The following SPMIP2 variants were observed in gnomAD, a reference collection of about 807,000 sequenced individuals.
SPMIP2 encodes protein SPMIP2.
the SPMIP2 span, among the ~76,000 whole-genome samples, chr4:158,903,234 T>C: frequency 6.6e-6 from 1 of 151,992 alleles, no homozygotes; most frequent in Non-Finnish European, 1.5e-5. Flanking sequence ...GGGGAAACAA[T>C]TCCCTGAACC....
At chr4:158,926,697 T>C in the SPMIP2 span, among the ~76,000 whole-genome samples, 4 of 152,236 alleles carry the variant, frequency 2.6e-5, no homozygotes, top group Non-Finnish European at 5.9e-5. Context: ...TATTGTGTTG[T>C]TCAAGTCTTT....
the SPMIP2 span, among the ~76,000 whole-genome samples, chr4:158,980,255 G>T: frequency 6.6e-6 from 1 of 152,276 alleles, no homozygotes; most frequent in East Asian, 1.9e-4. Context: ...GCATATGGGG[G>T]AAGGGGCAGC....
the SPMIP2 span, chr4:158,915,099 C>T: frequency 7.5e-7 from 1 of 1,334,620 alleles, no homozygotes; most frequent in Non-Finnish European, 1.0e-6. Context: ...CTATGAGAAA[C>T]CTGTCCCTGA....
the SPMIP2 span, among the ~76,000 whole-genome samples, chr4:159,059,362 G>A: frequency 6.6e-6 from 1 of 152,166 alleles, no homozygotes; most frequent in African/African-American, 2.4e-5. Context: ...AGCAGATAGA[G>A]TTTATTTTAT....
the SPMIP2 span, among the ~76,000 whole-genome samples, chr4:158,921,930 C>A: frequency 7.1e-6 from 1 of 140,504 alleles, no homozygotes; most frequent in South Asian, 2.2e-4. Flanking sequence ...CTCTGTCACC[C>A]TGGCTGGAGT....
At chr4:158,908,997 ATATTT>A in the SPMIP2 span, among the ~76,000 whole-genome samples, 2 of 152,166 alleles carry the variant, frequency 1.3e-5, no homozygotes, top group Admixed American at 1.3e-4. Context: ...CAACTTCATT[ATATTT>A]TCTAATCTAC....
At chr4:158,898,884 ATAGGAGT>A in the SPMIP2 span, among the ~76,000 whole-genome samples, 1 of 152,214 alleles carries the variant, frequency 6.6e-6, no homozygotes, top group South Asian at 2.1e-4. Context: ...GAATAGTTGA[ATAGGAGT>A]GGTGAGAGAG....
At chr4:158,904,323 C>A in the SPMIP2 span, 2 of 669,860 alleles carry the variant, frequency 3.0e-6, no homozygotes, top group Non-Finnish European at 5.0e-6. Context: ...ATCCTTCCAT[C>A]TGTTTTGCTT....
chr4:159,018,507 G>A, the SPMIP2 span, among the ~76,000 whole-genome samples: 1 of 152,182 alleles, frequency 6.6e-6, no homozygotes, highest in Non-Finnish European at 1.5e-5. Flanking sequence ...TGACTCTAGT[G>A]ATAGGCAATA....
chr4:158,929,859 A>G, the SPMIP2 span, among the ~76,000 whole-genome samples: 1 of 152,192 alleles, frequency 6.6e-6, no homozygotes, highest in Non-Finnish European at 1.5e-5. Flanking sequence ...TAATATACCT[A>G]TGTAGTTACC....
chr4:159,063,181 C>A, the SPMIP2 span, among the ~76,000 whole-genome samples: 1 of 152,066 alleles, frequency 6.6e-6, no homozygotes, highest in Non-Finnish European at 1.5e-5. Context: ...AGAGAAGACA[C>A]TAAGCAAAAA....
the SPMIP2 span, among the ~76,000 whole-genome samples, chr4:159,031,201 T>C: frequency 0.24 from 36,373 of 152,090 alleles, 4,877 homozygotes; most frequent in Non-Finnish European, 0.31. Context: ...ATGGGCCTTA[T>C]AGGAGTTAAA....
the SPMIP2 span, among the ~76,000 whole-genome samples, chr4:158,928,490 T>G: frequency 6.6e-6 from 1 of 151,984 alleles, no homozygotes; most frequent in East Asian, 1.9e-4. Flanking sequence ...ACACTCTGTA[T>G]CTAGCTAATC....
the SPMIP2 span, among the ~76,000 whole-genome samples, chr4:159,009,688 T>A: frequency 6.6e-6 from 1 of 152,142 alleles, no homozygotes; most frequent in East Asian, 1.9e-4. Flanking sequence ...AGAGTTCTAC[T>A]GGCTTGGCTT....
the SPMIP2 span, among the ~76,000 whole-genome samples, chr4:159,010,003 A>G: frequency 6.6e-6 from 1 of 152,158 alleles, no homozygotes; most frequent in Non-Finnish European, 1.5e-5. Context: ...AAAAAAACAA[A>G]AACAAAAACA....
the SPMIP2 span, among the ~76,000 whole-genome samples, chr4:159,041,721 C>T: frequency 1.4e-4 from 21 of 152,222 alleles, no homozygotes; most frequent in Non-Finnish European, 5.9e-5. Flanking sequence ...TGGTCTTTCT[C>T]CTCCCACCAG....
chr4:158,962,566 T>C, the SPMIP2 span, among the ~76,000 whole-genome samples: 2 of 152,208 alleles, frequency 1.3e-5, no homozygotes, highest in African/African-American at 4.8e-5. Flanking sequence ...CTTATGCTAA[T>C]GTATTTTTTC....
chr4:158,951,476 C>A, the SPMIP2 span, among the ~76,000 whole-genome samples: 2 of 152,154 alleles, frequency 1.3e-5, no homozygotes, highest in African/African-American at 2.4e-5. Context: ...AGTATTGTAA[C>A]CTTATGGGAC....
the SPMIP2 span, among the ~76,000 whole-genome samples, chr4:158,911,093 G>C: frequency 6.6e-6 from 1 of 152,080 alleles, no homozygotes; most frequent in Non-Finnish European, 1.5e-5. Context: ...TCCCATAAAG[G>C]CTGACATAGA....
Sources: allele counts gnomAD v4.1 joint callset (sites outside exome capture counted in the v4.1 genomes callset), GRCh38; gene constraint gnomAD v4.1.1; transcripts MANE v1.5; gene names NCBI Gene and HGNC (gene_info 2026-07-23, HGNC 2026-07-21).